The following SCAI variants were observed in gnomAD, a reference collection of about 807,000 sequenced individuals.
The protein encoded by SCAI is protein SCAI.
In SCAI, 24 loss-of-function variants were observed where a neutral mutation model predicts 92.2. The observed-to-expected ratio is 0.26, with a 90% CI of 0.19 to 0.37. The LOEUF (loss-of-function observed/expected upper bound fraction) is 0.37. Among genes scored for constraint, SCAI ranks in the 10% least tolerant of loss-of-function variants. The pLI, the probability that SCAI is intolerant of heterozygous loss-of-function variation, is 1.00. For missense variants in SCAI, 450 were observed against 736.2 expected (o/e 0.61, Z 4.50); for synonymous variants, 261 against 258.6 (o/e 1.01, Z -0.09).
intron 4 of SCAI, among the ~76,000 whole-genome samples, chr9:125,029,400 G>A (rs1833027247): frequency 6.6e-6 from 1 of 152,134 alleles, no homozygotes; most frequent in Admixed American, 6.6e-5. Flanking sequence ...GGGATTACAG[G>A]CATGAGCCAC....
intron 9 of SCAI, among the ~76,000 whole-genome samples, chr9:125,009,930 C>A (rs1218357652): frequency 6.6e-6 from 1 of 152,048 alleles, no homozygotes; most frequent in East Asian, 1.9e-4. Flanking sequence ...GGCGAGGAGG[C>A]ACGCCTGTAA....
At chr9:125,100,465 G>C (rs1834654821) in intron 2 of SCAI, among the ~76,000 whole-genome samples, 2 of 152,118 alleles carry the variant, frequency 1.3e-5, no homozygotes, top group Admixed American at 6.6e-5. Context: ...ACGAGTGCCA[G>C]CACCAGGACT....
Position 124,976,205 on chromosome 9 carries a change from TA to T in SCAI, c.1327-20del. 1 of 1,533,356 alleles carries T rather than the reference TA, an allele frequency of 6.5e-7. No individual in the cohort carries two copies. The highest frequency in any genetic ancestry group is 9.0e-7 in the Non-Finnish European group (1 of 1,106,948). The allele number at this position is 1,533,356 out of a possible 1,614,324, so 95.0% of individuals were successfully genotyped here. ...TGAAATTCTGTAATATATAAGAATT[TA>T]AAACTTGCATTAAAGATTTGACCAA... On this transcript the variant is annotated intron_variant, in intron 14 of 17. Transcript: ENST00000336505.
intron 2 of SCAI, among the ~76,000 whole-genome samples, chr9:125,110,930 AC>A (rs1342807245): frequency 6.6e-6 from 1 of 152,176 alleles, no homozygotes; most frequent in African/African-American, 2.4e-5. Flanking sequence ...AGCCTGTGGA[AC>A]CGTGAACCAA....
chr9:125,083,043 C>T (rs1834253473), intron 2 of SCAI, among the ~76,000 whole-genome samples: 1 of 152,150 alleles, frequency 6.6e-6, no homozygotes, highest in Admixed American at 6.5e-5. Context: ...GCTTCCCCAC[C>T]CAAATCTCAT....
rs1006264372 is a variant in SCAI at position 124,946,607 on chromosome 9, A to G, written c.*6200T>C. On this transcript the variant is annotated 3_prime_UTR_variant, in exon 18 of 18. Transcript: ENST00000336505. This position sits in a 1 kb window ranked among gnomAD's most constrained non-coding sequence, Gnocchi z 4.0. The stretch of plus-strand genomic sequence containing the variant: ...TGCAAATAAATATGTCAACTGAAGT[A>G]ACCAAACATTGATACTTGGCAACAT... The G allele has an allele frequency of 6.6e-6, 1 of 152,226 alleles. No homozygotes were observed. The highest frequency in any genetic ancestry group is 1.5e-5 in the Non-Finnish European group (1 of 68,048). The allele number at this position is 152,226 out of a possible 1,614,324, so 9.4% of individuals were successfully genotyped here. A position where few individuals can be genotyped will look rare whatever the true frequency, so the allele number is the denominator to read the frequency against.
intron 2 of SCAI, among the ~76,000 whole-genome samples, chr9:125,088,499 A>C (rs867591037): frequency 2.6e-4 from 39 of 152,172 alleles, no homozygotes; most frequent in African/African-American, 8.2e-4. Flanking sequence ...TTTCTCCAGG[A>C]TTGTTTCCTG....
At chr9:125,042,918 T>G (rs1205188148) in intron 3 of SCAI, among the ~76,000 whole-genome samples, 3 of 125,470 alleles carry the variant, frequency 2.4e-5, no homozygotes, top group Non-Finnish European at 4.7e-5. Flanking sequence ...CAGGCTGGAG[T>G]GCAGTGGCAT....
chr9:124,997,854 C>T (rs1307695556), intron 13 of SCAI, among the ~76,000 whole-genome samples: 13 of 133,614 alleles, frequency 9.7e-5, no homozygotes, highest in South Asian at 4.7e-4. Context: ...CCAGCCTGGG[C>T]GGCAGAGTAA....
At chr9:124,994,796 C>T in intron 14 of SCAI, 138 bp downstream of exon 14, 1 of 515,810 alleles carries the variant, frequency 1.9e-6, no homozygotes, top group Non-Finnish European at 3.4e-6. Context: ...TGCACAACCT[C>T]AAAAGAAAAG....
At chr9:124,953,275 T>C (rs1429649575) in intron 17 of SCAI, among the ~76,000 whole-genome samples, 3 of 152,088 alleles carry the variant, frequency 2.0e-5, no homozygotes, top group African/African-American at 4.8e-5. Context: ...TCCTAACACA[T>C]ATAGAATTTC....
rs1831395377 is a variant in SCAI at position 124,959,523 on chromosome 9, C to CACAT, written c.1675-6571_1675-6570insATGT. On this transcript the variant is annotated intron_variant, in intron 17 of 17. Transcript: ENST00000336505. ...ATATACACATATATATATATACACA[C>CACAT]ATATATATACACACATATATATATA... 2.1e-5 allele frequency among the ~76,000 whole-genome samples: 3 copies of CACAT among 144,928 alleles called. No homozygotes were observed. In the South Asian group the frequency reaches 6.4e-4, roughly 31 times the overall value.
intron 2 of SCAI, among the ~76,000 whole-genome samples, chr9:125,111,849 C>G (rs1343208015): frequency 6.6e-6 from 1 of 152,106 alleles, no homozygotes; most frequent in Non-Finnish European, 1.5e-5. Context: ...AAAGATGGAG[C>G]TGAGTGTCTA....
intron 9 of SCAI, among the ~76,000 whole-genome samples, chr9:125,018,077 T>C (rs976802698): frequency 2.0e-5 from 3 of 151,838 alleles, no homozygotes; most frequent in Admixed American, 6.6e-5. Context: ...GTAGGACATA[T>C]ACATTTTGGA....
At chr9:125,033,478 C>T (rs1833125634) in intron 3 of SCAI, among the ~76,000 whole-genome samples, 1 of 152,100 alleles carries the variant, frequency 6.6e-6, no homozygotes, top group Non-Finnish European at 1.5e-5. Context: ...ACAACAACAA[C>T]AACAACAACA....
intron 3 of SCAI, among the ~76,000 whole-genome samples, chr9:125,039,295 G>C (rs1833266984): frequency 6.6e-6 from 1 of 150,512 alleles, no homozygotes; most frequent in South Asian, 2.1e-4. Context: ...GCTGAGGCCG[G>C]AGAATCGCCT....
At chr9:125,025,223 T>C (rs767043855) in intron 6 of SCAI, among the ~76,000 whole-genome samples, 6 of 152,214 alleles carry the variant, frequency 3.9e-5, no homozygotes, top group Non-Finnish European at 8.8e-5. Flanking sequence ...CAGATTGTCC[T>C]TTGATTCTAA....
At position 125,042,634 on chromosome 9, in the gene SCAI, T is replaced by TACACACAC. The variant is rs1554783862; in HGVS notation, c.231-12903_231-12896dup. Among the ~76,000 whole-genome samples, 690 of 96,204 alleles carry TACACACAC rather than the reference T, an allele frequency of 7.2e-3. 6 individuals carry two copies. The highest frequency in any genetic ancestry group is 0.025 in the African/African-American group (631 of 25,512). 63.1% of individuals were successfully genotyped at this position (96,204 alleles called of 152,430 possible). On this transcript the variant is annotated intron_variant, in intron 3 of 17. Coordinates refer to ENST00000336505, the MANE Select transcript of SCAI (RefSeq NM_001144877.3). Reference sequence around the variant, plus strand: ...CAGAGTATGTGTGTGTGTGTGTGTGTACACACACACACACACACACACACA... The same window carrying TACACACAC: ...CAGAGTATGTGTGTGTGTGTGTGTGTACACACACACACACACACACACACACACACACA...
intron 2 of SCAI, among the ~76,000 whole-genome samples, chr9:125,127,623 T>C (rs1383068921): frequency 1.3e-5 from 2 of 152,184 alleles, no homozygotes; most frequent in African/African-American, 4.8e-5. Flanking sequence ...ATATGTGCTA[T>C]ACAGTCAATT....
Sources: gnomAD v4.1 joint callset for allele counts (sites outside exome capture counted in the v4.1 genomes callset) on GRCh38, gnomAD v4.1.1 for gene constraint, Gnocchi (gnomAD v3.1) non-coding constraint, MANE v1.5 for transcripts, NCBI Gene and HGNC (gene_info 2026-07-23, HGNC 2026-07-21) for gene names.